Variants in PKNOX2 observed in about 807,000 individuals in gnomAD.
PKNOX2 encodes PBX/knotted 1 homeobox 2, also known as homeobox protein PKNOX2.
A neutral mutation model predicts 53.1 loss-of-function variants in PKNOX2; 14 were observed. The ratio of observed to expected loss-of-function variants is 0.26; its 90% CI spans 0.17 to 0.41. The LOEUF is 0.41. Ranked by LOEUF, PKNOX2 falls within the 10% of genes least tolerant of loss-of-function variation. The probability of loss-of-function intolerance (pLI) is 1.00; values close to 1 mark genes in which losing one functional copy is unlikely to be tolerated. For missense variants in PKNOX2, 496 were observed against 602.8 expected (o/e 0.82, Z 1.85); for synonymous variants, 257 against 242.8 (o/e 1.06, Z -0.54).
At chr11:125,234,322 G>A (rs1180292695) in intron 1 of PKNOX2, among the ~76,000 whole-genome samples, 1 of 152,208 alleles carries the variant, frequency 6.6e-6, no homozygotes, top group Non-Finnish European at 1.5e-5. Flanking sequence ...TGGAGGCAGT[G>A]CTTTTATAAC....
At chr11:125,379,208 G>A (rs954155864) in intron 5 of PKNOX2, among the ~76,000 whole-genome samples, 11 of 151,742 alleles carry the variant, frequency 7.2e-5, no homozygotes, top group African/African-American at 1.9e-4. Flanking sequence ...TTAAAGGCAC[G>A]TGCCACCATG....
chr11:125,368,052 T>A, intron 5 of PKNOX2, 67 bp downstream of exon 5: 1 of 1,550,536 alleles, frequency 6.4e-7, no homozygotes, highest in African/African-American at 1.4e-5. Flanking sequence ...CTGTGAGGGA[T>A]GAGAATGCAG....
intron 10 of PKNOX2, among the ~76,000 whole-genome samples, chr11:125,424,929 G>C (rs1266177218): frequency 1.3e-5 from 2 of 152,208 alleles, no homozygotes; most frequent in African/African-American, 2.4e-5. Flanking sequence ...GGCTATAAAG[G>C]GAGGTATCAG....
intron 1 of PKNOX2, among the ~76,000 whole-genome samples, chr11:125,175,649 C>T (rs142102295): frequency 6.6e-6 from 1 of 152,212 alleles, no homozygotes; most frequent in East Asian, 1.9e-4. Flanking sequence ...GAGAATTTGC[C>T]CAAGGTCACC....
At chr11:125,313,349 C>G (rs954864931) in intron 2 of PKNOX2, among the ~76,000 whole-genome samples, 24 of 152,128 alleles carry the variant, frequency 1.6e-4, no homozygotes, top group Non-Finnish European at 1.8e-4. Context: ...TGACATCCTA[C>G]CTCATTCAGT....
At chr11:125,264,006 G>A (rs116401907) in intron 2 of PKNOX2, among the ~76,000 whole-genome samples, 3,005 of 152,238 alleles carry the variant, frequency 0.02, 105 homozygotes, top group African/African-American at 0.068. Context: ...TCAGGGGATG[G>A]GGGGCTAATC....
chr11:125,406,412 C>T (rs1217380170), intron 7 of PKNOX2, among the ~76,000 whole-genome samples: 5 of 152,292 alleles, frequency 3.3e-5, no homozygotes, highest in Non-Finnish European at 5.9e-5. Context: ...ACTCTGCCTG[C>T]GTGCGCAACC....
At chr11:125,308,596 G>A (rs1300232662) in intron 2 of PKNOX2, among the ~76,000 whole-genome samples, 5 of 152,210 alleles carry the variant, frequency 3.3e-5, no homozygotes, top group Non-Finnish European at 5.9e-5. Context: ...GGACTCGGGG[G>A]AGGCTTTGCC....
chr11:125,289,098 G>A (rs960871930), intron 2 of PKNOX2, among the ~76,000 whole-genome samples: 5 of 152,298 alleles, frequency 3.3e-5, no homozygotes, highest in African/African-American at 7.2e-5. Flanking sequence ...TAGGTGCTGC[G>A]GTGTAGAGAT....
At chr11:125,333,666 T>G (rs1024288494) in intron 3 of PKNOX2, among the ~76,000 whole-genome samples, 1 of 152,140 alleles carries the variant, frequency 6.6e-6, no homozygotes, top group Non-Finnish European at 1.5e-5. Context: ...CTTGGATGGG[T>G]GCAACTGGCA....
rs117294363 is a variant in PKNOX2, at chr11:125,383,025, G to A, written c.228-2526G>A. Among the ~76,000 whole-genome samples the A allele has an allele frequency of 6.6e-5, 10 of 152,270 alleles. No homozygotes were observed. The East Asian group carries it at 1.5e-3, about 24-fold the overall frequency. ...CCAAAACCAGGGTCGGGGAGAGAGT[G>A]TGCAGGGACAGGCTCTGCCAAGCCC... On this transcript the variant is annotated intron_variant, in intron 5 of 12. Transcript: ENST00000298282.
intron 7 of PKNOX2, among the ~76,000 whole-genome samples, chr11:125,407,061 A>G (rs528499745): frequency 6.6e-6 from 1 of 152,078 alleles, no homozygotes; most frequent in East Asian, 1.9e-4. Flanking sequence ...TGCCCCACCT[A>G]AAACGTTGCC....
At chr11:125,320,685 C>T (rs1374476176) in intron 2 of PKNOX2, among the ~76,000 whole-genome samples, 2 of 152,140 alleles carry the variant, frequency 1.3e-5, no homozygotes, top group East Asian at 3.9e-4. Flanking sequence ...GGACCAGAGC[C>T]CTTCTTTCTT....
In PKNOX2 at chr11:125,348,335, G is replaced by A. The variant is rs184643680; in HGVS notation, c.-22-2949G>A. 1.1e-4 allele frequency among the ~76,000 whole-genome samples: 16 copies of A among 152,262 alleles called. 1 individual carries two copies. The highest frequency in any genetic ancestry group is 9.8e-4 in the Admixed American group (15 of 15,294). On this transcript the variant is annotated intron_variant, in intron 3 of 12. Transcript: ENST00000298282. ...TGAGCTCCCGGAGTGTCAAGTTGCC[G>A]GAGGCTTCTGTGCCTGAGCAAGCAG...
intron 2 of PKNOX2, among the ~76,000 whole-genome samples, chr11:125,238,411 C>T (rs1591491652): frequency 6.6e-6 from 1 of 152,184 alleles, no homozygotes; most frequent in Non-Finnish European, 1.5e-5. Flanking sequence ...TGAACCCTCA[C>T]ACTATGTTAT....
In PKNOX2 at chr11:125,429,063, C is replaced by A. The variant is rs370272772; in HGVS notation, c.988C>A (p.Leu330Ile). 5.6e-6 allele frequency: 9 copies of A among 1,613,568 alleles called. No individual in the cohort carries two copies. In the Admixed American group the frequency reaches 1.2e-4, roughly 21 times the overall value. Residue 330 changes from leucine to isoleucine, a missense_variant, in exon 11 of 13, where the codon CTC becomes ATC. Leu to Ile is a conservative substitution (Grantham distance 5). This residue lies in a region of PKNOX2 where 36 missense variants were observed against 81.9 expected (regional missense o/e 0.44). Coordinates refer to ENST00000298282, the MANE Select transcript of PKNOX2 (RefSeq NM_001382323.2). ...EKRQIAAQTNLTLLQVNNWFI... is the reference protein window; with the variant it reads ...EKRQIAAQTNITLLQVNNWFI... ...GAGGCAGATCGCAGCCCAGACCAACCTCACCCTCCTGCAAGTAAACAACTG... is the reference window on the plus strand; with the variant it reads ...GAGGCAGATCGCAGCCCAGACCAACATCACCCTCCTGCAAGTAAACAACTG...
At chr11:125,314,267 C>T (rs1266208486) in intron 2 of PKNOX2, among the ~76,000 whole-genome samples, 1 of 152,100 alleles carries the variant, frequency 6.6e-6, no homozygotes, top group Non-Finnish European at 1.5e-5. Flanking sequence ...TCTCAGAGCA[C>T]CTGCAGTGCG....
intron 1 of PKNOX2, among the ~76,000 whole-genome samples, chr11:125,171,149 T>C (rs1780579016): frequency 6.6e-6 from 1 of 152,170 alleles, no homozygotes; most frequent in Non-Finnish European, 1.5e-5. Context: ...AGGGAACAAA[T>C]AGTTGTTGAG....
chr11:125,333,535 G>GACAC (rs1267319651), intron 3 of PKNOX2, among the ~76,000 whole-genome samples: 23 of 131,978 alleles, frequency 1.7e-4, no homozygotes, highest in African/African-American at 5.3e-4. Context: ...TCAGTCCCAA[G>GACAC]ACACACACAC....
Sources: gnomAD v4.1 joint callset for allele counts (sites outside exome capture counted in the v4.1 genomes callset) on GRCh38, gnomAD v4.1.1 for gene constraint, gnomAD v4.1.1 regional missense constraint, MANE v1.5 for transcripts, NCBI Gene and HGNC (gene_info 2026-07-23, HGNC 2026-07-21) for gene names.